Variants in UPK3A observed in about 807,000 individuals in gnomAD.
UPK3A encodes uroplakin-3a.
In UPK3A, 32 loss-of-function variants were observed where a neutral mutation model predicts 27.6. That is an observed-to-expected ratio of 1.16 (90% CI 0.87 to 1.55). The LOEUF (loss-of-function observed/expected upper bound fraction) is 1.55, where lower values mean the gene tolerates loss of function less well. Among genes scored for constraint, UPK3A ranks in the 40% most tolerant of loss-of-function variants. The probability of loss-of-function intolerance (pLI) is 0.00; values close to 1 mark genes in which losing one functional copy is unlikely to be tolerated. For missense variants in UPK3A, 370 were observed against 367.9 expected (o/e 1.01, Z -0.05); for synonymous variants, 171 against 163.9 (o/e 1.04, Z -0.33).
At chr22:45,291,403 G>A (rs551481848) in intron 4 of UPK3A, among the ~76,000 whole-genome samples, 104 of 149,564 alleles carry the variant, frequency 7.0e-4, no homozygotes, top group Non-Finnish European at 1.0e-3. Context: ...TGTGTGGGTG[G>A]TGTGAGAGTG....
rs748158898 is a variant in UPK3A, at chr22:45,293,326, C to T, written c.704+13C>T. On this transcript the variant is annotated intron_variant, in intron 5 of 5. Transcript: ENST00000216211. ...CCCTCAGCCTCGTGTAAGTACCTGCCTGCTGGGAGGGCTGGACCCCAGGGA... is the reference window on the plus strand; with the variant it reads ...CCCTCAGCCTCGTGTAAGTACCTGCTTGCTGGGAGGGCTGGACCCCAGGGA... 4.3e-6 allele frequency: 7 copies of T among 1,613,498 alleles called. No homozygotes were observed. The highest frequency in any genetic ancestry group is 5.1e-6 in the Non-Finnish European group (6 of 1,180,032).
Position 45,286,198 on chromosome 22 carries a change from G to A in UPK3A, c.208+102G>A, listed in dbSNP as rs747349416. The A allele has an allele frequency of 2.1e-4, 317 of 1,481,390 alleles. 1 individual carries two copies. Among genetic ancestry groups the A allele is most frequent in the Non-Finnish European group, 2.7e-4 (288 of 1,085,534 alleles). The allele number at this position is 1,481,390 out of a possible 1,614,324, so 91.8% of individuals were successfully genotyped here. On this transcript the variant is annotated intron_variant, in intron 2 of 5. Coordinates refer to ENST00000216211, the MANE Select transcript of UPK3A (RefSeq NM_006953.4). ...AGAGGAACCCTCCATGCCTGTAGTC[G>A]TCTCATTAAACAGGTACTGCAGCCA...
chr22:45,291,861 A>G (rs1310850477), intron 4 of UPK3A, among the ~76,000 whole-genome samples: 7 of 101,324 alleles, frequency 6.9e-5, no homozygotes, highest in Non-Finnish European at 7.9e-5. Context: ...GTGAGTTGGT[A>G]TGTGTGGTGT....
At chr22:45,287,900 G>A (rs2673090) in intron 3 of UPK3A, among the ~76,000 whole-genome samples, 104,101 of 152,018 alleles carry the variant, frequency 0.68, 36,754 homozygotes, top group Admixed American at 0.77. Flanking sequence ...CTGACCTCCA[G>A]TGATCAGCCT....
At chr22:45,285,165 C>T (rs2084109075) in intron 1 of UPK3A, 100 bp downstream of exon 1, 1 of 1,129,294 alleles carries the variant, frequency 8.9e-7, no homozygotes, top group African/African-American at 1.6e-5. Context: ...CGCTGGGGAC[C>T]CAGATATTAC....
intron 2 of UPK3A, among the ~76,000 whole-genome samples, chr22:45,286,588 A>T (rs113993683): frequency 5.9e-5 from 9 of 152,248 alleles, no homozygotes; most frequent in African/African-American, 1.9e-4. Context: ...GGGGATCCTG[A>T]GCTTCTGAGA....
chr22:45,290,015 CAGG>C (rs2084149081), intron 4 of UPK3A, among the ~76,000 whole-genome samples: 1 of 152,166 alleles, frequency 6.6e-6, no homozygotes, highest in South Asian at 2.1e-4. Flanking sequence ...ACCCTATGGC[CAGG>C]TAAGATGTTT....
chr22:45,293,072 C>T, intron 4 of UPK3A, 109 bp from the exon 5 acceptor site: 1 of 1,520,634 alleles, frequency 6.6e-7, no homozygotes, highest in Non-Finnish European at 8.9e-7. Context: ...GTCCCAGGGT[C>T]ATCCCTGGAT....
In UPK3A at chr22:45,293,194, G is replaced by A. The variant is rs767544217; in HGVS notation, c.585G>A (p.Ser195=). The A allele has an allele frequency of 2.7e-5, 43 of 1,613,798 alleles. No individual in the cohort carries two copies. The highest frequency in any genetic ancestry group is 3.3e-5 in the Admixed American group (2 of 59,998). ...PIRTNQLTPY[S]TIDTWPGRRS... ...ATCCCACCACAGTCACCCCATACTC[G>A]ACGATCGACACGTGGCCAGGCCGGC... Residue 195 remains serine (S), a synonymous_variant, in exon 5 of 6, where the codon TCG becomes TCA. Transcript: ENST00000216211.
rs916034174 is a variant in UPK3A, at chr22:45,285,058, C to T, written c.45C>T (p.Phe15=). Residue 15 remains phenylalanine, a synonymous_variant, in exon 1 of 6, where the codon TTC becomes TTT. Transcript: ENST00000216211. ...TGCTGGCCCTCGGCTGCCTGCGGTT[C>T]GGCTCGGGTAGGCGGTGAAGGGCAG... ...WALLALGCLR[F]GSAVNLQPQL... The T allele has an allele frequency of 6.5e-7, 1 of 1,536,498 alleles. No individual in the cohort carries two copies. The highest frequency in any genetic ancestry group is 1.9e-5 in the Admixed American group (1 of 51,370).
intron 2 of UPK3A, among the ~76,000 whole-genome samples, chr22:45,286,746 T>G (rs2084120869): frequency 6.6e-6 from 1 of 152,214 alleles, no homozygotes; most frequent in Admixed American, 6.6e-5. Context: ...CTCTCCCATT[T>G]CATAGAAGAC....
chr22:45,288,444 C>T (rs964579467), intron 3 of UPK3A, among the ~76,000 whole-genome samples: 14 of 152,270 alleles, frequency 9.2e-5, no homozygotes, highest in African/African-American at 1.7e-4. Context: ...ATGATCCGCC[C>T]GCCTCAGCCT....
Position 45,286,083 on chromosome 22 carries a change from C to G in UPK3A, c.195C>G (p.Val65=). The G allele has an allele frequency of 1.2e-6, 2 of 1,614,192 alleles. No homozygotes were observed. The highest frequency in any genetic ancestry group is 8.5e-7 in the Non-Finnish European group (1 of 1,180,020). ...LTGTHEVYLY[V]LVDSAISRNA... ...GCACCCACGAGGTCTACCTGTATGT[C>G]CTGGTCGACTCAGGTAAGGGTCCTG... is the stretch of plus-strand genomic sequence containing the variant. Residue 65 remains valine (V), a synonymous_variant, in exon 2 of 6, where the codon GTC becomes GTG. Transcript: ENST00000216211.
intron 5 of UPK3A, among the ~76,000 whole-genome samples, chr22:45,294,889 T>C: frequency 6.6e-6 from 1 of 151,222 alleles, no homozygotes; most frequent in Admixed American, 6.6e-5. Context: ...CTCCTTTTTT[T>C]TTTTTTTTTT....
At chr22:45,295,011 G>A (rs745901134) in intron 5 of UPK3A, among the ~76,000 whole-genome samples, 12 of 151,658 alleles carry the variant, frequency 7.9e-5, no homozygotes, top group Admixed American at 1.3e-4. Flanking sequence ...GATTACAGGC[G>A]ACCATCACCA....
At chr22:45,293,087 G>T in intron 4 of UPK3A, 94 bp from the exon 5 acceptor site, 1 of 1,573,062 alleles carries the variant, frequency 6.4e-7, no homozygotes, top group Non-Finnish European at 8.6e-7. Flanking sequence ...CTGGATCCCC[G>T]GCAGCCAGGG....
chr22:45,285,156 G>A, intron 1 of UPK3A, 91 bp downstream of exon 1: 1 of 1,229,600 alleles, frequency 8.1e-7, no homozygotes, highest in South Asian at 1.4e-5. Context: ...GATTCCTGGC[G>A]CTGGGGACCC....
chr22:45,286,490 T>C (rs2742634), intron 2 of UPK3A, among the ~76,000 whole-genome samples: 119,577 of 152,000 alleles, frequency 0.79, 47,033 homozygotes, highest in African/African-American at 0.83. Flanking sequence ...TCCTGAGGCT[T>C]CGAAAGGTGG....
intron 3 of UPK3A, among the ~76,000 whole-genome samples, chr22:45,287,749 G>A (rs1228283989): frequency 6.6e-6 from 1 of 152,048 alleles, no homozygotes; most frequent in Non-Finnish European, 1.5e-5. Flanking sequence ...TGCAACCTCC[G>A]CCTCCCAGGT....
Sources: allele counts gnomAD v4.1 joint callset (sites outside exome capture counted in the v4.1 genomes callset), GRCh38; gene constraint gnomAD v4.1.1; transcripts MANE v1.5; gene names NCBI Gene and HGNC (gene_info 2026-07-23, HGNC 2026-07-21).